Variants in MAGI2 observed in about 807,000 individuals in gnomAD.
The protein encoded by MAGI2 is membrane-associated guanylate kinase, WW and PDZ domain-containing protein 2.
In MAGI2, 35 loss-of-function variants were observed where a neutral mutation model predicts 133.3. The ratio of observed to expected loss-of-function variants is 0.26; its 90% confidence interval spans 0.20 to 0.35. The LOEUF (loss-of-function observed/expected upper bound fraction) is 0.35. Ranked by LOEUF, MAGI2 falls within the 10% of genes least tolerant of loss-of-function variation. The pLI, the probability that MAGI2 is intolerant of heterozygous loss-of-function variation, is 1.00. For missense variants in MAGI2, 1,636 were observed against 1,863.4 expected, an observed-to-expected ratio of 0.88 and a Z score of 2.25; for synonymous variants, 729 against 710.6, an observed-to-expected ratio of 1.03 and a Z score of -0.41.
At chr7:78,489,707 C>A in intron 6 of MAGI2, 54 bp downstream of exon 6, 1 of 1,346,946 alleles carries the variant, frequency 7.4e-7, no homozygotes, top group Non-Finnish European at 1.1e-6. Context: ...ATTTAAGAAA[C>A]ACAAACATTC....
At chr7:78,242,884 C>T (rs1791304433) in intron 10 of MAGI2, among the ~76,000 whole-genome samples, 1 of 151,908 alleles carries the variant, frequency 6.6e-6, no homozygotes, top group East Asian at 1.9e-4. Flanking sequence ...TCAAGACCAA[C>T]CTGAGCAACA....
chr7:78,345,790 A>C, intron 8 of MAGI2, 132 bp downstream of exon 8: 1 of 1,286,864 alleles, frequency 7.8e-7, no homozygotes, highest in Non-Finnish European at 1.1e-6. Context: ...CATCCAGCTA[A>C]AGCTAATAGG....
chr7:78,704,780 T>TTTTTTTTTTTCC (rs1452833313), intron 2 of MAGI2, among the ~76,000 whole-genome samples: 78 of 140,430 alleles, frequency 5.6e-4, no homozygotes, highest in African/African-American at 1.9e-3. Context: ...CCATTATTCT[T>TTTTTTTTTTTCC]TTTTTTTTTT....
intron 1 of MAGI2, among the ~76,000 whole-genome samples, chr7:79,222,780 T>C (rs1563012871): frequency 6.6e-6 from 1 of 152,130 alleles, no homozygotes; most frequent in Non-Finnish European, 1.5e-5. Flanking sequence ...TTAATTTTGA[T>C]GAAAACTATC....
At chr7:78,058,305 T>C (rs1175558384) in intron 21 of MAGI2, among the ~76,000 whole-genome samples, 1 of 151,920 alleles carries the variant, frequency 6.6e-6, no homozygotes, top group Non-Finnish European at 1.5e-5. Context: ...GAGCCGGCAA[T>C]GAGGGAATGT....
chr7:79,193,909 C>A (rs995819327), intron 1 of MAGI2, among the ~76,000 whole-genome samples: 5 of 151,856 alleles, frequency 3.3e-5, no homozygotes, highest in African/African-American at 1.2e-4. Flanking sequence ...GACAAGCCAT[C>A]AAAAATGAGT....
intron 3 of MAGI2, among the ~76,000 whole-genome samples, chr7:78,587,353 G>A (rs1377743187): frequency 6.6e-6 from 1 of 152,036 alleles, no homozygotes; most frequent in Non-Finnish European, 1.5e-5. Flanking sequence ...GAGGAGTGAG[G>A]GGAAGCTACC....
intron 20 of MAGI2, among the ~76,000 whole-genome samples, chr7:78,093,051 G>A (rs1817361711): frequency 6.7e-6 from 1 of 150,162 alleles, no homozygotes; most frequent in Non-Finnish European, 1.5e-5. Flanking sequence ...CAGGAGAATG[G>A]CGTGAACCTG....
chr7:79,391,770 C>T (rs573067597), intron 1 of MAGI2, among the ~76,000 whole-genome samples: 6 of 151,844 alleles, frequency 4.0e-5, no homozygotes, highest in South Asian at 2.1e-4. Flanking sequence ...CTGCAAGCTC[C>T]GCCTCCTGGT....
intron 3 of MAGI2, among the ~76,000 whole-genome samples, chr7:78,535,938 C>T (rs1374658422): frequency 6.8e-6 from 1 of 147,262 alleles, no homozygotes; most frequent in Non-Finnish European, 1.5e-5. Flanking sequence ...ACAGCTTCAA[C>T]TCCCTGTGAT....
At chr7:79,219,537 A>T (rs1241756672) in intron 1 of MAGI2, among the ~76,000 whole-genome samples, 1 of 152,046 alleles carries the variant, frequency 6.6e-6, no homozygotes, top group Non-Finnish European at 1.5e-5. Context: ...TTTGTCCTTG[A>T]TTGATTGCTT....
intron 20 of MAGI2, among the ~76,000 whole-genome samples, chr7:78,082,046 C>T (rs1428577247): frequency 6.6e-6 from 1 of 152,132 alleles, no homozygotes; most frequent in African/African-American, 2.4e-5. Context: ...CCCCTCGAAC[C>T]CCAAATCGAA....
intron 2 of MAGI2, among the ~76,000 whole-genome samples, chr7:78,819,723 A>G (rs1453848896): frequency 6.6e-6 from 1 of 152,018 alleles, no homozygotes; most frequent in Non-Finnish European, 1.5e-5. Flanking sequence ...ATACGTCTCT[A>G]TCATAAAGAT....
At chr7:79,416,322 CT>C (rs1846508148) in intron 1 of MAGI2, among the ~76,000 whole-genome samples, 1 of 151,308 alleles carries the variant, frequency 6.6e-6, no homozygotes, top group Non-Finnish European at 1.5e-5. Context: ...TTGTTTTCAT[CT>C]TGATTCATGA....
At chr7:78,313,934 G>A (rs1011128556) in intron 9 of MAGI2, among the ~76,000 whole-genome samples, 13 of 151,990 alleles carry the variant, frequency 8.6e-5, no homozygotes, top group African/African-American at 3.1e-4. Flanking sequence ...GGGTGCCCTG[G>A]GGACTTAAGT....
chr7:78,667,678 A>T (rs1813787802), intron 2 of MAGI2, among the ~76,000 whole-genome samples: 1 of 151,762 alleles, frequency 6.6e-6, no homozygotes, highest in Non-Finnish European at 1.5e-5. Context: ...ACTGAGAATG[A>T]TGATTTCCAA....
chr7:79,113,186 C>T (rs1819078968), intron 1 of MAGI2, among the ~76,000 whole-genome samples: 1 of 152,140 alleles, frequency 6.6e-6, no homozygotes. Flanking sequence ...GTATCACTTC[C>T]TCAGGGCTGT....
chr7:78,639,086 A>G (rs1411193489), intron 2 of MAGI2, among the ~76,000 whole-genome samples: 2 of 152,194 alleles, frequency 1.3e-5, no homozygotes, highest in African/African-American at 4.8e-5. Flanking sequence ...CCTTCATCGC[A>G]TGGAAGGTTT....
intron 6 of MAGI2, among the ~76,000 whole-genome samples, chr7:78,373,999 T>A (rs988209289): frequency 1.3e-5 from 2 of 152,194 alleles, no homozygotes; most frequent in Non-Finnish European, 2.9e-5. Flanking sequence ...CAATCCACCA[T>A]TGTTGGACAC....
Sources: allele counts gnomAD v4.1 joint callset (sites outside exome capture counted in the v4.1 genomes callset), GRCh38; gene constraint gnomAD v4.1.1; transcripts MANE v1.5; gene names NCBI Gene and HGNC (gene_info 2026-07-23, HGNC 2026-07-21).